Variants in ESPN observed in about 807,000 individuals in gnomAD.
ESPN encodes autosomal recessive deafness type 36 protein.
ESPN carries 68 observed loss-of-function variants against 77.7 expected under a neutral mutation model. The observed-to-expected ratio is 0.87, with a 90% CI of 0.72 to 1.07. The LOEUF is 1.07. ESPN is among the 50% of genes least tolerant of loss of function. The probability of loss-of-function intolerance (pLI) is 0.00; values close to 1 mark genes in which losing one functional copy is unlikely to be tolerated. For missense variants in ESPN, 1,060 were observed against 1,239.0 expected (o/e 0.86, Z 2.17); for synonymous variants, 449 against 567.1 (o/e 0.79, Z 2.96).
At position 6,428,306 on chromosome 1, in the gene ESPN, T is replaced by A. The variant is rs756932840; in HGVS notation, c.375T>A (p.His125Gln). Residue 125 changes from histidine to glutamine, a missense_variant, in exon 2 of 13, where the codon CAT (histidine) becomes CAA (glutamine). By Grantham distance (24) the His-to-Gln change is conservative. Coordinates refer to ENST00000645284, the MANE Select transcript of ESPN (RefSeq NM_031475.3). This position sits in a 1 kb window ranked among gnomAD's most constrained non-coding sequence, Gnocchi z 5.4. ...GHPEVVNWLL[H>Q]HGGGDPTAAT... ...CCGAGGTGGTGAACTGGCTCTTGCA[T>A]CATGGCGGTGGGGACCCCACCGCGG... 5 of 1,613,202 alleles carry A rather than the reference T, an allele frequency of 3.1e-6. No homozygotes were observed. In the South Asian group the frequency reaches 4.4e-5, roughly 14 times the overall value.
In ESPN at chr1:6,456,745, A is replaced by G. The variant is rs144196298; in HGVS notation, c.2326-439A>G. ...CGATTGTAGTGCCCGTATCCACTCT[A>G]TTGGGAAGATGGCAACCATGGGGTG... On this transcript the variant is annotated intron_variant, in intron 10 of 12. Transcript: ENST00000645284. 736 of 289,012 alleles carry G rather than the reference A, an allele frequency of 2.5e-3. 6 individuals carry two copies. The highest frequency in any genetic ancestry group is 0.015 in the African/African-American group (705 of 46,128). The allele number at this position is 289,012 out of a possible 1,614,324, so 17.9% of individuals were successfully genotyped here.
At chr1:6,457,864 T>G (rs570976513) in intron 12 of ESPN, among the ~76,000 whole-genome samples, 1 of 152,312 alleles carries the variant, frequency 6.6e-6, no homozygotes, top group South Asian at 2.1e-4. Context: ...AGATGTTTTA[T>G]ACTCCTCTTG....
chr1:6,450,477 A>G lies in ESPN; in HGVS notation c.1916-1126A>G, dbSNP rs1156394010. Reference sequence around the variant, plus strand: ...GTCCTGAGGCACAGGAAGAGTGAGTAGCTGCGTGCGCGGCTCCTGGCTGAG... The same window carrying G: ...GTCCTGAGGCACAGGAAGAGTGAGTGGCTGCGTGCGCGGCTCCTGGCTGAG... On this transcript the variant is annotated intron_variant, in intron 8 of 12. Coordinates refer to ENST00000645284, the MANE Select transcript of ESPN (RefSeq NM_031475.3). The surrounding 1 kb of genome is among the most constrained non-coding windows in gnomAD (Gnocchi z 4.3). 1.0e-6 allele frequency: 1 copy of G among 977,840 alleles called. No homozygotes were observed. Among genetic ancestry groups the G allele is most frequent in the Non-Finnish European group, 1.2e-6 (1 of 822,828 alleles). 60.6% of individuals were successfully genotyped at this position (977,840 alleles called of 1,614,324 possible).
intron 10 of ESPN, among the ~76,000 whole-genome samples, chr1:6,452,763 CCTTCCAGCTGCCGAT>C (rs1643972042): frequency 5.3e-5 from 8 of 152,248 alleles, no homozygotes; most frequent in Non-Finnish European, 1.2e-4. Flanking sequence ...TGTGCTGCCG[CCTTCCAGCTGCCGAT>C]ACTGAGCCTC....
In ESPN at chr1:6,437,334, C is replaced by G. The variant is rs1643474600; in HGVS notation, c.489-2920C>G. On this transcript the variant is annotated intron_variant, in intron 2 of 12. Transcript: ENST00000645284. The surrounding 1 kb of genome is among the most constrained non-coding windows in gnomAD (Gnocchi z 4.5). ...GAGCTCACCGCAGGTCTGGCCCCCC[C>G]ACCAGCTGTGCAGACCGCCGTGGGC... 1 of 151,572 alleles carries G rather than the reference C, an allele frequency of 6.6e-6. No individual in the cohort carries two copies. Among genetic ancestry groups the G allele is most frequent in the African/African-American group, 2.4e-5 (1 of 41,006 alleles). 9.4% of individuals were successfully genotyped at this position (151,572 alleles called of 1,614,324 possible). A position where few individuals can be genotyped will look rare whatever the true frequency, so the allele number is the denominator to read the frequency against.
chr1:6,457,270 T>C lies in ESPN; in HGVS notation c.2405+7T>C. ...AGAAGCTGGAAGAAGAGAGGTGAGC[T>C]GGGGGTCAGGCAGAGGCTGGCCTGG... On this transcript the variant is annotated splice_region_variant and intron_variant, in intron 11 of 12. Transcript: ENST00000645284. The C allele has an allele frequency of 6.2e-7, 1 of 1,614,104 alleles. No individual in the cohort carries two copies. The highest frequency in any genetic ancestry group is 8.5e-7 in the Non-Finnish European group (1 of 1,179,968).
In ESPN at chr1:6,460,165, C is replaced by G. The variant is rs545897938; in HGVS notation, c.*19C>G. On this transcript the variant is annotated 3_prime_UTR_variant, in exon 13 of 13. Transcript: ENST00000645284. ...GTACTAGAGGCCGCAGACTCCTGTC[C>G]GCAGCCTCGCAGCTCCGTGGGGCCC... 5.1e-5 allele frequency: 82 copies of G among 1,606,026 alleles called. No homozygotes were observed. In the East Asian group the frequency reaches 1.6e-3, roughly 31 times the overall value.
intron 5 of ESPN, among the ~76,000 whole-genome samples, chr1:6,443,744 G>A (rs1309351452): frequency 6.6e-6 from 1 of 152,254 alleles, no homozygotes; most frequent in Non-Finnish European, 1.5e-5. Flanking sequence ...CTCCCAGGGG[G>A]CCTGTGACAC....
chr1:6,443,247 C>T (rs1295795553), intron 5 of ESPN: 1 of 151,772 alleles, frequency 6.6e-6, no homozygotes, highest in Admixed American at 6.6e-5. Context: ...GCAAGTAGTG[C>T]TGTTATCCCC....
At chr1:6,449,229 T>C (rs1311534378) in intron 8 of ESPN, 138 bp downstream of exon 8, 8 of 884,350 alleles carry the variant, frequency 9.0e-6, no homozygotes, top group Non-Finnish European at 1.2e-5. Context: ...CCCTACCCCA[T>C]TGAGTACTTG....
At chr1:6,433,684 C>A (rs1439366242) in intron 2 of ESPN, among the ~76,000 whole-genome samples, 1 of 152,150 alleles carries the variant, frequency 6.6e-6, no homozygotes, top group African/African-American at 2.4e-5. Flanking sequence ...CTTACAATGG[C>A]CCAGAGGCCA....
Position 6,448,606 on chromosome 1 carries a change from G to T in ESPN, c.1465-35G>T, listed in dbSNP as rs2871653. 2,426 of 1,536,314 alleles carry T rather than the reference G, an allele frequency of 1.6e-3. 14 individuals are homozygous for T. The highest frequency in any genetic ancestry group is 0.014 in the African/African-American group (1,022 of 71,584). ...GGCGTGGGGGGCGCCTACCGGGCAG[G>T]TGCCCGAGCCCCACCGGTCACTGTC... On this transcript the variant is annotated intron_variant, in intron 7 of 12. Coordinates refer to ENST00000645284, the MANE Select transcript of ESPN (RefSeq NM_031475.3).
intron 10 of ESPN, chr1:6,456,324 A>C (rs886542538): frequency 1.0e-5 from 4 of 386,962 alleles, no homozygotes; most frequent in Non-Finnish European, 1.8e-5. Flanking sequence ...AGCAGCCCGG[A>C]GGGCCCAGGA....
chr1:6,452,786 C>T (rs887586723), intron 10 of ESPN, among the ~76,000 whole-genome samples: 1 of 152,260 alleles, frequency 6.6e-6, no homozygotes, highest in Non-Finnish European at 1.5e-5. Flanking sequence ...GATACTGAGC[C>T]TCATCCAGCC....
rs760363517 is a variant in ESPN at position 6,431,628 on chromosome 1, CAAAA to C, written c.488+3231_488+3234del. On this transcript the variant is annotated intron_variant, in intron 2 of 12. Transcript: ENST00000645284. ...CCTGAGCAACAGAGCAAGATTCTGT[CAAAA>C]AAAAAAAAAAAAAAAAAAAAAGGAA... 2.6e-4 allele frequency among the ~76,000 whole-genome samples: 16 copies of C among 61,784 alleles called. 1 individual carries two copies. The South Asian group carries it at 9.3e-3, about 36-fold the overall frequency. The allele number at this position is 61,784 out of a possible 152,430, so 40.5% of individuals were successfully genotyped here. A position where few individuals can be genotyped will look rare whatever the true frequency, so the allele number is the denominator to read the frequency against.
At chr1:6,442,864 T>C (rs1481626583) in intron 5 of ESPN, among the ~76,000 whole-genome samples, 3 of 82,016 alleles carry the variant, frequency 3.7e-5, no homozygotes, top group Non-Finnish European at 6.7e-5. Flanking sequence ...CAAGACGCTG[T>C]CTCAAAAAAA....
chr1:6,445,397 A>G (rs1569683059), intron 6 of ESPN, among the ~76,000 whole-genome samples: 1 of 152,164 alleles, frequency 6.6e-6, no homozygotes, highest in African/African-American at 2.4e-5. Flanking sequence ...CTTCCAGGTG[A>G]CCCTGCCCTC....
chr1:6,431,182 C>G (rs1246754507), intron 2 of ESPN, among the ~76,000 whole-genome samples: 2 of 152,216 alleles, frequency 1.3e-5, no homozygotes, highest in Non-Finnish European at 1.5e-5. Flanking sequence ...GGCTCTTCCC[C>G]TGGGCTCGTG....
At chr1:6,456,001 C>CGCCGCA (rs1424289734) in intron 10 of ESPN, 1 of 398,022 alleles carries the variant, frequency 2.5e-6, no homozygotes, top group African/African-American at 2.1e-5. Context: ...CTGGCCCCTG[C>CGCCGCA]GCCGCAGCCG....
Sources: gnomAD v4.1 joint callset for allele counts (sites outside exome capture counted in the v4.1 genomes callset) on GRCh38, gnomAD v4.1.1 for gene constraint, Gnocchi (gnomAD v3.1) non-coding constraint, MANE v1.5 for transcripts, NCBI Gene and HGNC (gene_info 2026-07-23, HGNC 2026-07-21) for gene names.